KCNIP4: variants seen among roughly 807,000 people sequenced by gnomAD.
KCNIP4 encodes Kv channel-interacting protein 4.
In KCNIP4, 12 loss-of-function variants were observed where a neutral mutation model predicts 34.0. That is an observed-to-expected ratio of 0.35 (90% CI 0.23 to 0.57). KCNIP4 has a LOEUF of 0.57. Ranked by LOEUF, KCNIP4 falls within the 20% of genes least tolerant of loss-of-function variation. The pLI is 0.83. For synonymous variants in KCNIP4, 124 were observed against 102.2 expected, an observed-to-expected ratio of 1.21 and a Z score of -1.29; for missense variants, 238 against 311.7, an observed-to-expected ratio of 0.76 and a Z score of 1.78.
chr4:21,608,083 GT>G (rs140422571), intron 1 of KCNIP4, among the ~76,000 whole-genome samples: 4,024 of 152,142 alleles, frequency 0.026, 176 homozygotes, highest in African/African-American at 0.09. Context: ...AGGCTTTATT[GT>G]TTTGTTTTTT....
At chr4:21,446,884 T>C (rs1404394121) in intron 1 of KCNIP4, among the ~76,000 whole-genome samples, 1 of 152,146 alleles carries the variant, frequency 6.6e-6, no homozygotes, top group Non-Finnish European at 1.5e-5. Context: ...TGTCAAGTAA[T>C]ACATTCTATT....
chr4:21,379,608 G>T lies in KCNIP4; in HGVS notation c.62-496899C>A, dbSNP rs1315474043. On this transcript the variant is annotated intron_variant, in intron 1 of 8. Transcript: ENST00000382152. ...CCAAGTGATTATAGAAAGATTTATA[G>T]TCACAGCAGTGACATATAAACTGTT... Among the ~76,000 whole-genome samples the T allele has an allele frequency of 2.0e-5, 3 of 152,102 alleles. No homozygotes were observed. In the East Asian group the frequency reaches 5.8e-4, roughly 29 times the overall value.
chr4:21,501,242 T>TCACACACA (rs1372362101), intron 1 of KCNIP4, among the ~76,000 whole-genome samples: 2 of 132,232 alleles, frequency 1.5e-5, no homozygotes, highest in Admixed American at 7.8e-5. Context: ...TCTCTCTCTC[T>TCACACACA]CTCTCTCACA....
chr4:20,837,567 C>G (rs908646138), intron 3 of KCNIP4, among the ~76,000 whole-genome samples: 4 of 151,394 alleles, frequency 2.6e-5, no homozygotes, highest in African/African-American at 9.7e-5. Context: ...AATTGCACAG[C>G]AGCCTCTTTA....
rs1214442067 is a variant in KCNIP4 at position 20,882,590 on chromosome 4, AC to A, written c.163+17del. ...CAAGAGTTTCGGAGGAAAAAAAAAAACAAAAAAACAAACTTGCTTTGAATAG... is the reference window on the plus strand; with the variant it reads ...CAAGAGTTTCGGAGGAAAAAAAAAAAAAAAAAACAAACTTGCTTTGAATAG... On this transcript the variant is annotated intron_variant, in intron 2 of 8. Transcript: ENST00000382152. The A allele has an allele frequency of 8.8e-6, 14 of 1,589,196 alleles. No homozygotes were observed. In the East Asian group the frequency reaches 1.3e-4, roughly 15 times the overall value.
chr4:21,054,573 C>A (rs565647230), intron 1 of KCNIP4, among the ~76,000 whole-genome samples: 1 of 149,928 alleles, frequency 6.7e-6, no homozygotes, highest in African/African-American at 2.4e-5. Flanking sequence ...AAAAAGAATT[C>A]AAAAATAGTC....
At chr4:20,917,011 A>T (rs1365546489) in intron 1 of KCNIP4, among the ~76,000 whole-genome samples, 9 of 12,684 alleles carry the variant, frequency 7.1e-4, no homozygotes, top group Non-Finnish European at 1.0e-3. Flanking sequence ...ATATATATAT[A>T]TATATATATA....
Position 21,563,880 on chromosome 4 carries a change from C to T in KCNIP4, c.61+384691G>A, listed in dbSNP as rs115546264. The stretch of plus-strand genomic sequence containing the variant: ...TTGAAGGTTTAGGGTTATCTATTGC[C>T]TGTTTTGAGTGCATGATATAATGCA... On this transcript the variant is annotated intron_variant, in intron 1 of 8. Coordinates refer to ENST00000382152, the MANE Select transcript of KCNIP4 (RefSeq NM_025221.6). Among the ~76,000 whole-genome samples the T allele has an allele frequency of 2.1e-3, 318 of 152,138 alleles. 2 individuals carry two copies. The highest frequency in any genetic ancestry group is 7.2e-3 in the African/African-American group (300 of 41,526).
chr4:21,469,681 A>AT (rs1047893490), intron 1 of KCNIP4, among the ~76,000 whole-genome samples: 5 of 152,058 alleles, frequency 3.3e-5, no homozygotes, highest in East Asian at 1.9e-4. Flanking sequence ...TGCAGACAGC[A>AT]TTTTTTTTCC....
intron 1 of KCNIP4, among the ~76,000 whole-genome samples, chr4:20,954,367 A>T (rs1389685102): frequency 6.6e-6 from 1 of 152,240 alleles, no homozygotes; most frequent in Non-Finnish European, 1.5e-5. Flanking sequence ...GTGCAAAGTG[A>T]ACATTACATT....
At position 21,850,402 on chromosome 4, in the gene KCNIP4, T is replaced by C. The variant is rs150003165; in HGVS notation, c.61+98169A>G. 6.3e-3 allele frequency: 961 copies of C among 152,166 alleles called. 17 individuals carry two copies. The highest frequency in any genetic ancestry group is 0.022 in the African/African-American group (910 of 41,528). 9.4% of individuals were successfully genotyped at this position (152,166 alleles called of 1,614,324 possible). On this transcript the variant is annotated intron_variant, in intron 1 of 8. Coordinates refer to ENST00000382152, the MANE Select transcript of KCNIP4 (RefSeq NM_025221.6). The stretch of plus-strand genomic sequence containing the variant: ...AAAACTCATGTTGAAACTTAATTCC[T>C]GGGTTAATGGTTTAATGGGTTTTAA...
intron 1 of KCNIP4, among the ~76,000 whole-genome samples, chr4:20,907,291 G>C (rs373046497): frequency 6.6e-6 from 1 of 152,012 alleles, no homozygotes; most frequent in African/African-American, 2.4e-5. Flanking sequence ...GTGTTTTTGG[G>C]GTCAACTAAT....
chr4:21,499,337 A>AAAAAAAAAAAAAC lies in KCNIP4; in HGVS notation c.61+449233_61+449234insGTTTTTTTTTTTT, dbSNP rs2109883136. Among the ~76,000 whole-genome samples the AAAAAAAAAAAAAC allele has an allele frequency of 2.0e-5, 3 of 151,840 alleles. No individual in the cohort carries two copies. The East Asian group carries it at 5.8e-4, about 29-fold the overall frequency. The stretch of plus-strand genomic sequence containing the variant: ...CAGAGTAAGACTCCATCTCAAAAAA[A>AAAAAAAAAAAAAC]AAAAAAAAACAACTACATAATATTA... On this transcript the variant is annotated intron_variant, in intron 1 of 8. Transcript: ENST00000382152.
At chr4:20,834,506 T>C (rs930658887) in intron 3 of KCNIP4, among the ~76,000 whole-genome samples, 3 of 152,172 alleles carry the variant, frequency 2.0e-5, no homozygotes, top group Admixed American at 1.3e-4. Context: ...GGGTTTCACC[T>C]ACATGGAGCT....
intron 1 of KCNIP4, among the ~76,000 whole-genome samples, chr4:21,662,114 A>G (rs1748498558): frequency 1.3e-5 from 2 of 152,158 alleles, no homozygotes; most frequent in African/African-American, 4.8e-5. Flanking sequence ...CAACCTCTAC[A>G]AGGGTATTTC....
At position 21,556,930 on chromosome 4, in the gene KCNIP4, A is replaced by AAAAAAAAAAAAAAAAAAAAAC. The variant is rs1553903108; in HGVS notation, c.61+391640_61+391641insGTTTTTTTTTTTTTTTTTTTT. Among the ~76,000 whole-genome samples, 275 of 108,102 alleles carry AAAAAAAAAAAAAAAAAAAAAC rather than the reference A, an allele frequency of 2.5e-3. 22 individuals are homozygous for AAAAAAAAAAAAAAAAAAAAAC. Among genetic ancestry groups the AAAAAAAAAAAAAAAAAAAAAC allele is most frequent in the Middle Eastern group, 6.0e-3 (1 of 166 alleles). The allele number at this position is 108,102 out of a possible 152,430, so 70.9% of individuals were successfully genotyped here. On this transcript the variant is annotated intron_variant, in intron 1 of 8. Coordinates refer to ENST00000382152, the MANE Select transcript of KCNIP4 (RefSeq NM_025221.6). ...AGCAAGACTCCATCTCAGAAAAAAA[A>AAAAAAAAAAAAAAAAAAAAAC]AAAAAAAAAAAAACCAGAAAACAAA...
chr4:21,277,024 A>G (rs1212272766), intron 1 of KCNIP4, among the ~76,000 whole-genome samples: 1 of 152,182 alleles, frequency 6.6e-6, no homozygotes, highest in Non-Finnish European at 1.5e-5. Context: ...TCAAGATATA[A>G]CTCTGTCAGG....
chr4:21,366,452 T>C (rs1201151629), intron 1 of KCNIP4, among the ~76,000 whole-genome samples: 2 of 152,184 alleles, frequency 1.3e-5, no homozygotes, highest in Non-Finnish European at 2.9e-5. Flanking sequence ...GAAATTCCTG[T>C]GGTAAGAGAG....
intron 1 of KCNIP4, among the ~76,000 whole-genome samples, chr4:21,378,569 CCTCTCTTA>C (rs971975203): frequency 6.6e-6 from 1 of 152,116 alleles, no homozygotes; most frequent in African/African-American, 2.4e-5. Flanking sequence ...TGAAAGAATT[CCTCTCTTA>C]AATACTAACC....
Sources: allele counts gnomAD v4.1 joint callset (sites outside exome capture counted in the v4.1 genomes callset), GRCh38; gene constraint gnomAD v4.1.1; transcripts MANE v1.5; gene names NCBI Gene and HGNC (gene_info 2026-07-23, HGNC 2026-07-21).